The following STEAP3 variants were observed in gnomAD, a reference collection of about 807,000 sequenced individuals.
The protein encoded by STEAP3 is STEAP3 metalloreductase.
A neutral mutation model predicts 34.9 loss-of-function variants in STEAP3; 35 were observed. The observed-to-expected ratio is 1.00, with a 90% CI of 0.76 to 1.33. The LOEUF (loss-of-function observed/expected upper bound fraction) is 1.33, where lower values mean the gene tolerates loss of function less well. Among genes scored for constraint, STEAP3 ranks in the 40% most tolerant of loss-of-function variants. The pLI, the probability that STEAP3 is intolerant of heterozygous loss-of-function variation, is 0.00. For synonymous variants in STEAP3, 281 were observed against 301.6 expected, an observed-to-expected ratio of 0.93 and a Z score of 0.71; for missense variants, 652 against 667.6, an observed-to-expected ratio of 0.98 and a Z score of 0.26.
intron 4 of STEAP3, chr2:119,248,459 G>T (rs1298161425): frequency 7.8e-6 from 4 of 510,364 alleles, no homozygotes; most frequent in Non-Finnish European, 1.4e-5. Flanking sequence ...AAATACAGCA[G>T]TGAGTCATAG....
At chr2:119,246,482 G>A (rs564200457) in intron 3 of STEAP3, 52 of 162,828 alleles carry the variant, frequency 3.2e-4, no homozygotes, top group Non-Finnish European at 6.5e-4. Flanking sequence ...ATGGCTCCAC[G>A]GAACAGCTAG....
chr2:119,265,461 A>G lies in STEAP3; in HGVS notation c.*2123A>G, dbSNP rs1678082234. ...GGCAGCAGCATCCCGAGAGCACATCATCTCCACAGCCTGGTAAATTCCATG... is the reference window on the plus strand; with the variant it reads ...GGCAGCAGCATCCCGAGAGCACATCGTCTCCACAGCCTGGTAAATTCCATG... On this transcript the variant is annotated 3_prime_UTR_variant, in exon 6 of 6. Coordinates refer to ENST00000393110, the MANE Select transcript of STEAP3 (RefSeq NM_182915.3). The G allele has an allele frequency of 6.6e-6, 1 of 152,360 alleles. No homozygotes were observed. Among genetic ancestry groups the G allele is most frequent in the Admixed American group, 6.5e-5 (1 of 15,292 alleles). The allele number at this position is 152,360 out of a possible 1,614,324, so 9.4% of individuals were successfully genotyped here.
chr2:119,233,316 G>A (rs1677000686), intron 2 of STEAP3, among the ~76,000 whole-genome samples: 1 of 152,222 alleles, frequency 6.6e-6, no homozygotes, highest in Non-Finnish European at 1.5e-5. Flanking sequence ...ATCTGCAGCA[G>A]TCTCTTTGTT....
intron 2 of STEAP3, among the ~76,000 whole-genome samples, chr2:119,243,759 G>A (rs892291811): frequency 6.6e-6 from 1 of 152,226 alleles, no homozygotes; most frequent in Admixed American, 6.5e-5. Flanking sequence ...GCCCAGGGAG[G>A]CACACAGACT....
intron 4 of STEAP3, among the ~76,000 whole-genome samples, chr2:119,254,022 G>A (rs911653517): frequency 2.6e-5 from 4 of 151,358 alleles, no homozygotes; most frequent in Admixed American, 6.6e-5. Context: ...AGGAAGAGGG[G>A]AGGCTGAGAG....
At chr2:119,230,502 C>A in intron 1 of STEAP3, 118 bp from the exon 2 acceptor site, 1 of 163,020 alleles carries the variant, frequency 6.1e-6, no homozygotes, top group Admixed American at 5.8e-5. Context: ...AATAAATTTC[C>A]CCCACAGAAA....
At chr2:119,238,678 C>A (rs13386059) in intron 2 of STEAP3, among the ~76,000 whole-genome samples, 2 of 152,162 alleles carry the variant, frequency 1.3e-5, no homozygotes, top group Non-Finnish European at 2.9e-5. Flanking sequence ...AGACAGACAG[C>A]GCCCACAAAG....
chr2:119,225,277 T>G (rs916317986), intron 1 of STEAP3, among the ~76,000 whole-genome samples: 1 of 152,174 alleles, frequency 6.6e-6, no homozygotes, highest in African/African-American at 2.4e-5. Context: ...AGTGAATGTC[T>G]AATGGGTAAG....
intron 2 of STEAP3, among the ~76,000 whole-genome samples, chr2:119,237,796 G>T (rs967739469): frequency 3.3e-5 from 5 of 152,138 alleles, no homozygotes; most frequent in African/African-American, 1.2e-4. Flanking sequence ...CCATTCAAAT[G>T]GTGAGTTGCA....
chr2:119,227,269 A>T (rs1291518004), intron 1 of STEAP3, among the ~76,000 whole-genome samples: 3 of 152,210 alleles, frequency 2.0e-5, no homozygotes, highest in Non-Finnish European at 4.4e-5. Flanking sequence ...TGTGCCTGCC[A>T]TCAGGGCTGA....
At chr2:119,245,243 C>T (rs1677374649) in intron 2 of STEAP3, 1 of 496,816 alleles carries the variant, frequency 2.0e-6, no homozygotes, top group Admixed American at 3.5e-5. Flanking sequence ...GGAAATCATT[C>T]AGCAGGAGGG....
In STEAP3 at chr2:119,263,376, G is replaced by A. The variant is rs1678007363; in HGVS notation, c.*38G>A. ...GGGCTCTGGACCCCGGGCACACGAG[G>A]GACGGTGCCCTGAGCCCGTTAGGTT... On this transcript the variant is annotated 3_prime_UTR_variant, in exon 6 of 6. Coordinates refer to ENST00000393110, the MANE Select transcript of STEAP3 (RefSeq NM_182915.3). 1.3e-6 allele frequency: 2 copies of A among 1,596,884 alleles called. No homozygotes were observed. Among genetic ancestry groups the A allele is most frequent in the South Asian group, 2.2e-5 (2 of 88,976 alleles).
At chr2:119,232,014 C>T (rs1676956266) in intron 2 of STEAP3, among the ~76,000 whole-genome samples, 1 of 152,100 alleles carries the variant, frequency 6.6e-6, no homozygotes, top group African/African-American at 2.4e-5. Flanking sequence ...AAGAATGAAG[C>T]CTAGGGGTTC....
intron 2 of STEAP3, among the ~76,000 whole-genome samples, chr2:119,242,705 C>T (rs13027072): frequency 0.025 from 3,792 of 152,320 alleles, 73 homozygotes; most frequent in Non-Finnish European, 0.035. Context: ...ACACAATTGA[C>T]TTATTTACTC....
At chr2:119,227,922 C>T (rs184918960) in intron 1 of STEAP3, among the ~76,000 whole-genome samples, 53 of 152,152 alleles carry the variant, frequency 3.5e-4, no homozygotes, top group African/African-American at 1.1e-3. Flanking sequence ...CTCTGCCTCC[C>T]GATTTCAAGC....
chr2:119,261,677 GT>G lies in STEAP3; in HGVS notation c.1216-1378del, dbSNP rs370106967. On this transcript the variant is annotated intron_variant, in intron 5 of 5. Transcript: ENST00000393110. The stretch of plus-strand genomic sequence containing the variant: ...AAGTTGATTAAGTCGCCTGCCCAGG[GT>G]TCATATCAGTTGAACCAGCACCAAC... 4.5e-3 allele frequency among the ~76,000 whole-genome samples: 682 copies of G among 152,208 alleles called. 4 individuals are homozygous for G. Among genetic ancestry groups the G allele is most frequent in the African/African-American group, 0.016 (647 of 41,538 alleles).
At chr2:119,232,663 G>A (rs926813132) in intron 2 of STEAP3, among the ~76,000 whole-genome samples, 1 of 152,200 alleles carries the variant, frequency 6.6e-6, no homozygotes, top group Non-Finnish European at 1.5e-5. Context: ...CATAAAATGG[G>A]AAAGACTTTG....
Position 119,263,276 on chromosome 2 carries a change from A to G in STEAP3, c.1435A>G (p.Ser479Gly), listed in dbSNP as rs1478629777. 2 of 1,613,902 alleles carry G rather than the reference A, an allele frequency of 1.2e-6. No homozygotes were observed. Among genetic ancestry groups the G allele is most frequent in the Admixed American group, 1.7e-5 (1 of 59,990 alleles). The change falls in exon 6 of 6, where the codon AGC becomes GGC. Residue 479 changes from serine to glycine, a missense_variant. Transcript: ENST00000393110. ...ARIRRGWERESTIKFTLPTDH... is the reference protein window; with the variant it reads ...ARIRRGWEREGTIKFTLPTDH... Reference sequence around the variant, plus strand: ...GATCCGGAGAGGCTGGGAGAGGGAGAGCACCATCAAGTTCACGCTGCCCAC... The same window carrying G: ...GATCCGGAGAGGCTGGGAGAGGGAGGGCACCATCAAGTTCACGCTGCCCAC...
chr2:119,247,549 A>T, intron 3 of STEAP3, 130 bp from the exon 4 acceptor site: 2 of 1,092,446 alleles, frequency 1.8e-6, no homozygotes, highest in Non-Finnish European at 2.5e-6. Flanking sequence ...TCCCACCTGT[A>T]CCATTGACTG....
Sources: gnomAD v4.1 joint callset for allele counts (sites outside exome capture counted in the v4.1 genomes callset) on GRCh38, gnomAD v4.1.1 for gene constraint, MANE v1.5 for transcripts, NCBI Gene and HGNC (gene_info 2026-07-23, HGNC 2026-07-21) for gene names.